Variants in ELAVL4 observed in about 807,000 individuals in gnomAD.
ELAVL4 encodes ELAV like RNA binding protein 4.
Under a neutral mutation model 35.6 loss-of-function variants are expected in ELAVL4, and 1 was observed. The ratio of observed to expected loss-of-function variants is 0.03; its 90% CI spans 0.01 to 0.13. The LOEUF is 0.13. Ranked by LOEUF, ELAVL4 falls within the 10% of genes least tolerant of loss-of-function variation. The pLI is 1.00. For synonymous variants in ELAVL4, 156 were observed against 171.0 expected, an observed-to-expected ratio of 0.91 and a Z score of 0.69; for missense variants, 267 against 464.9, an observed-to-expected ratio of 0.57 and a Z score of 3.91.
intron 3 of ELAVL4, among the ~76,000 whole-genome samples, chr1:50,178,460 T>C (rs1372195143): frequency 6.6e-6 from 1 of 152,112 alleles, no homozygotes; most frequent in Non-Finnish European, 1.5e-5. Flanking sequence ...TGATTATCTT[T>C]CTTTCTTTTT....
At position 50,201,251 on chromosome 1, in the gene ELAVL4, A is replaced by C; in HGVS notation, c.*73A>C. 1 of 1,433,340 alleles carries C rather than the reference A, an allele frequency of 7.0e-7. No homozygotes were observed. The highest frequency in any genetic ancestry group is 9.2e-7 in the Non-Finnish European group (1 of 1,089,034). 88.8% of individuals were successfully genotyped at this position (1,433,340 alleles called of 1,614,324 possible). ...AAAACACACGCGCGCACACACACAC[A>C]TACACGAAAGAGAGAGAAACAAACT... is the stretch of plus-strand genomic sequence containing the variant. On this transcript the variant is annotated 3_prime_UTR_variant, in exon 7 of 7. Transcript: ENST00000371824. The surrounding 1 kb of genome is among the most constrained non-coding windows in gnomAD (Gnocchi z 4.3).
intron 2 of ELAVL4, chr1:50,174,248 T>C (rs1413054521): frequency 6.6e-5 from 10 of 152,204 alleles, no homozygotes; most frequent in Non-Finnish European, 1.5e-5. Context: ...TGAACTCCTA[T>C]GATGGTGAGA....
chr1:50,125,597 G>T (rs1465292089), intron 1 of ELAVL4, among the ~76,000 whole-genome samples: 1 of 151,980 alleles, frequency 6.6e-6, no homozygotes, highest in Non-Finnish European at 1.5e-5. Flanking sequence ...CTCATAAAGA[G>T]GCCAGGGGTC....
chr1:50,109,348 C>T lies in ELAVL4; in HGVS notation c.9+150C>T, dbSNP rs1466915939. ...TACTATCTCTTTTGTGTAGAGAGTG[C>T]GGGTAGGTCCTTTTATTGAAAAGCA... is the stretch of plus-strand genomic sequence containing the variant. On this transcript the variant is annotated intron_variant, in intron 1 of 6. Transcript: ENST00000371824. 6.7e-6 allele frequency: 5 copies of T among 748,310 alleles called. No homozygotes were observed. In the South Asian group the frequency reaches 6.7e-5, roughly 10 times the overall value. 46.4% of individuals were successfully genotyped at this position (748,310 alleles called of 1,614,324 possible).
intron 2 of ELAVL4, among the ~76,000 whole-genome samples, chr1:50,173,371 A>G (rs1440094787): frequency 1.3e-5 from 2 of 152,268 alleles, no homozygotes; most frequent in African/African-American, 4.8e-5. Flanking sequence ...AACCTGTTTA[A>G]TTCAAAATAC....
At chr1:50,178,793 G>A (rs1049480036) in intron 3 of ELAVL4, among the ~76,000 whole-genome samples, 6 of 152,132 alleles carry the variant, frequency 3.9e-5, no homozygotes, top group African/African-American at 1.4e-4. Flanking sequence ...GTATTTGTAG[G>A]TTTGATTGAT....
intron 1 of ELAVL4, among the ~76,000 whole-genome samples, chr1:50,123,735 C>T (rs866143872): frequency 6.6e-6 from 1 of 152,054 alleles, no homozygotes; most frequent in Non-Finnish European, 1.5e-5. Flanking sequence ...TAGAACTGCA[C>T]CACGGTGTTC....
chr1:50,148,388 A>G (rs1250679544), intron 2 of ELAVL4, among the ~76,000 whole-genome samples: 1 of 152,224 alleles, frequency 6.6e-6, no homozygotes, highest in Non-Finnish European at 1.5e-5. Context: ...ACTCATGTGT[A>G]TAAAGGGAGC....
intron 1 of ELAVL4, among the ~76,000 whole-genome samples, chr1:50,051,816 C>G (rs1393995461): frequency 2.6e-5 from 4 of 152,130 alleles, no homozygotes; most frequent in African/African-American, 9.7e-5. Flanking sequence ...ACAAATATCA[C>G]AGACTGGGAG....
intron 1 of ELAVL4, among the ~76,000 whole-genome samples, chr1:50,056,538 G>C (rs923963766): frequency 6.6e-6 from 1 of 152,160 alleles, no homozygotes; most frequent in African/African-American, 2.4e-5. Context: ...TCATATAAAA[G>C]TATAGCACAT....
intron 1 of ELAVL4, among the ~76,000 whole-genome samples, chr1:50,078,968 C>G (rs1372878130): frequency 6.6e-6 from 1 of 152,172 alleles, no homozygotes; most frequent in Non-Finnish European, 1.5e-5. Context: ...CCATTGAGTA[C>G]CATCCATTAA....
chr1:50,107,538 AT>A (rs1027544772), upstream of ELAVL4, among the ~76,000 whole-genome samples: 1 of 152,132 alleles, frequency 6.6e-6, no homozygotes, highest in African/African-American at 2.4e-5. Flanking sequence ...TTTCCTAATA[AT>A]TTTTCACAAA....
chr1:50,059,453 T>C (rs1663844131), intron 1 of ELAVL4, among the ~76,000 whole-genome samples: 1 of 151,722 alleles, frequency 6.6e-6, no homozygotes, highest in Non-Finnish European at 1.5e-5. Context: ...AGCAAACACA[T>C]AAAAAGATGT....
chr1:50,102,143 CG>C (rs1184006892), upstream of ELAVL4, among the ~76,000 whole-genome samples: 1 of 151,760 alleles, frequency 6.6e-6, no homozygotes, highest in Non-Finnish European at 1.5e-5. Context: ...AAAAATTAGC[CG>C]GGTGTGGTGG....
At chr1:50,144,547 G>GT (rs772014386) in intron 1 of ELAVL4, 5 of 484,310 alleles carry the variant, frequency 1.0e-5, no homozygotes, top group Non-Finnish European at 1.2e-5. Flanking sequence ...ATTTGATCTT[G>GT]TGAGTGTAGT....
chr1:50,056,669 G>C (rs952255170), intron 1 of ELAVL4, among the ~76,000 whole-genome samples: 6 of 152,142 alleles, frequency 3.9e-5, no homozygotes, highest in Non-Finnish European at 8.8e-5. Flanking sequence ...GGGTGAGGTG[G>C]CTCACGCCTG....
intron 1 of ELAVL4, among the ~76,000 whole-genome samples, chr1:50,072,908 C>T (rs959752523): frequency 6.6e-6 from 1 of 152,148 alleles, no homozygotes; most frequent in African/African-American, 2.4e-5. Flanking sequence ...TCATCTAACA[C>T]CAGAGCTTGT....
At chr1:50,172,839 A>T (rs1263012070) in intron 2 of ELAVL4, among the ~76,000 whole-genome samples, 1 of 152,152 alleles carries the variant, frequency 6.6e-6, no homozygotes, top group East Asian at 1.9e-4. Context: ...CATTTTGTAA[A>T]CTCAGAATCT....
rs1486366620 is a variant in ELAVL4, at chr1:50,144,903, A to G, written c.10-54A>G. ...AAAAATTAATAAACTTTTAAAAGAG[A>G]CTTTGTGTCTGAGATTTCAAAAGGC... is the stretch of plus-strand genomic sequence containing the variant. On this transcript the variant is annotated intron_variant, in intron 1 of 6. Coordinates refer to ENST00000371824, the MANE Select transcript of ELAVL4 (RefSeq NM_001144774.3). 5 of 1,584,822 alleles carry G rather than the reference A, an allele frequency of 3.2e-6. No homozygotes were observed. In the African/African-American group the frequency reaches 6.8e-5, roughly 22 times the overall value.
Sources: allele counts gnomAD v4.1 joint callset (sites outside exome capture counted in the v4.1 genomes callset), GRCh38; gene constraint gnomAD v4.1.1; non-coding constraint Gnocchi (gnomAD v3.1); transcripts MANE v1.5; gene names NCBI Gene and HGNC (gene_info 2026-07-23, HGNC 2026-07-21).